The following LSM5 variants were observed in gnomAD, a reference collection of about 807,000 sequenced individuals.
The protein encoded by LSM5 is LSM5 homolog, U6 small nuclear RNA and mRNA degradation associated, also known as U6 snRNA-associated Sm-like protein LSm5.
In LSM5, 8 loss-of-function variants were observed where a neutral mutation model predicts 13.8. The ratio of observed to expected loss-of-function variants is 0.58; its 90% confidence interval spans 0.34 to 1.04. The LOEUF (loss-of-function observed/expected upper bound fraction) is 1.04. LSM5 is among the 50% of genes least tolerant of loss of function. The pLI, the probability that LSM5 is intolerant of heterozygous loss-of-function variation, is 0.03. For missense variants in LSM5, 80 were observed against 108.1 expected, an observed-to-expected ratio of 0.74 and a Z score of 1.15; for synonymous variants, 35 against 37.0, an observed-to-expected ratio of 0.95 and a Z score of 0.20.
chr7:32,490,549 G>A (rs1786561615), upstream of LSM5: 1 of 613,810 alleles, frequency 1.6e-6, no homozygotes, highest in Non-Finnish European at 3.0e-6. Flanking sequence ...AATATTTCCT[G>A]CCCACTGGAC....
upstream of LSM5, chr7:32,490,444 A>T: frequency 1.6e-6 from 2 of 1,246,126 alleles, no homozygotes; most frequent in Non-Finnish European, 2.4e-6. Context: ...CCGCAGCCCA[A>T]ACAGGCTCGA....
Position 32,490,040 on chromosome 7 carries a change from G to A in LSM5, c.46+280C>T, listed in dbSNP as rs912770719. ...GGCCTACTACCTATAACACTGCAGAGGCGGGCTCACAACAAAGTAGGCCGA... is the reference window on the plus strand; with the variant it reads ...GGCCTACTACCTATAACACTGCAGAAGCGGGCTCACAACAAAGTAGGCCGA... On this transcript the variant is annotated intron_variant, in intron 1 of 4. Transcript: ENST00000450169. 9.9e-6 allele frequency: 14 copies of A among 1,415,232 alleles called. No homozygotes were observed. The African/African-American group carries it at 2.0e-4, about 20-fold the overall frequency. The allele number at this position is 1,415,232 out of a possible 1,614,324, so 87.7% of individuals were successfully genotyped here. A position where few individuals can be genotyped will look rare whatever the true frequency, so the allele number is the denominator to read the frequency against.
At chr7:32,487,443 G>A (rs911463556) in intron 4 of LSM5, 150 bp from the exon 5 acceptor site, 4 of 693,154 alleles carry the variant, frequency 5.8e-6, no homozygotes, top group East Asian at 2.7e-5. Context: ...AATTCCCAAC[G>A]TCATCAATTA....
chr7:32,494,344 C>A (rs1340843624), upstream of LSM5, among the ~76,000 whole-genome samples: 1 of 135,754 alleles, frequency 7.4e-6, no homozygotes, highest in East Asian at 2.4e-4. Context: ...TTAGCCAATG[C>A]CAATAATTTT....
At chr7:32,493,858 T>A (rs901677854), upstream of LSM5, among the ~76,000 whole-genome samples, 1 of 87,160 alleles carries the variant, frequency 1.1e-5, no homozygotes, top group African/African-American at 4.2e-5. Flanking sequence ...TATATATATC[T>A]TTTTTTTTTT....
In LSM5 at chr7:32,487,669, T is replaced by A; in HGVS notation, c.243+16A>T. 7.4e-7 allele frequency: 1 copy of A among 1,351,666 alleles called. No individual in the cohort carries two copies. The highest frequency in any genetic ancestry group is 1.1e-6 in the Non-Finnish European group (1 of 941,528). 83.7% of individuals were successfully genotyped at this position (1,351,666 alleles called of 1,614,324 possible). A position where few individuals can be genotyped will look rare whatever the true frequency, so the allele number is the denominator to read the frequency against. On this transcript the variant is annotated intron_variant, in intron 4 of 4. Transcript: ENST00000450169. ...ATGGGCTCCCATCAAAATAAAACAG[T>A]TTCAATGTGTCTTACCATTGTTATA...
Position 32,485,703 on chromosome 7 carries a change from G to C in LSM5, c.*1558C>G, listed in dbSNP as rs1035698710. The C allele has an allele frequency of 1.3e-5, 2 of 152,188 alleles. No individual in the cohort carries two copies. The highest frequency in any genetic ancestry group is 4.8e-5 in the African/African-American group (2 of 41,444). 9.4% of individuals were successfully genotyped at this position (152,188 alleles called of 1,614,324 possible). A position where few individuals can be genotyped will look rare whatever the true frequency, so the allele number is the denominator to read the frequency against. Reference sequence around the variant, plus strand: ...GGAGGCTGAGGCAGGTGGATCACTAGAGGTCAGGAGTTCAAGACCAGCCTG... The same window carrying C: ...GGAGGCTGAGGCAGGTGGATCACTACAGGTCAGGAGTTCAAGACCAGCCTG... On this transcript the variant is annotated 3_prime_UTR_variant, in exon 5 of 5. Coordinates refer to ENST00000450169, the MANE Select transcript of LSM5 (RefSeq NM_012322.3).
chr7:32,490,058 T>C, intron 1 of LSM5: 1 of 1,448,324 alleles, frequency 6.9e-7, no homozygotes, highest in Non-Finnish European at 9.2e-7. Flanking sequence ...CACAACAAAG[T>C]AGGCCGACGA....
chr7:32,493,534 C>T (rs1030441947), upstream of LSM5, among the ~76,000 whole-genome samples: 2 of 109,646 alleles, frequency 1.8e-5, no homozygotes, highest in African/African-American at 2.8e-5. Context: ...TTCTTTCTCT[C>T]TCTCTCCCTT....
chr7:32,488,598 T>A, intron 3 of LSM5, 27 bp downstream of exon 3: 1 of 1,514,970 alleles, frequency 6.6e-7, no homozygotes, highest in African/African-American at 1.4e-5. Context: ...AAGAAGAGAT[T>A]CCCCCCAATT....
rs1225624984 is a variant in LSM5, at chr7:32,490,009, G to C, written c.46+311C>G. On this transcript the variant is annotated intron_variant, in intron 1 of 4. Coordinates refer to ENST00000450169, the MANE Select transcript of LSM5 (RefSeq NM_012322.3). The stretch of plus-strand genomic sequence containing the variant: ...CTGGGGATCGTAAACGCCAGGCTGA[G>C]AAGTAGGCCTACTACCTATAACACT... 12 of 1,325,744 alleles carry C rather than the reference G, an allele frequency of 9.1e-6. No homozygotes were observed. In the East Asian group the frequency reaches 3.9e-4, roughly 44 times the overall value. The allele number at this position is 1,325,744 out of a possible 1,614,324, so 82.1% of individuals were successfully genotyped here. A position where few individuals can be genotyped will look rare whatever the true frequency, so the allele number is the denominator to read the frequency against.
chr7:32,493,786 C>A (rs1384042974), upstream of LSM5, among the ~76,000 whole-genome samples: 1 of 152,070 alleles, frequency 6.6e-6, no homozygotes, highest in East Asian at 1.9e-4. Flanking sequence ...AGTGATCTGC[C>A]CGCATCGGCC....
rs3750087 is a variant in LSM5 at position 32,487,596 on chromosome 7, T to C, written c.243+89A>G. 604 of 779,074 alleles carry C rather than the reference T, an allele frequency of 7.8e-4. 9 individuals carry two copies. In the East Asian group the frequency reaches 0.015, roughly 19 times the overall value. 48.3% of individuals were successfully genotyped at this position (779,074 alleles called of 1,614,324 possible). On this transcript the variant is annotated intron_variant, in intron 4 of 4. Coordinates refer to ENST00000450169, the MANE Select transcript of LSM5 (RefSeq NM_012322.3). ...GCACCACTGGGCCATGATCATTTAGTCAAGCAAGCAACATTAAGGTTAGTT... is the reference window on the plus strand; with the variant it reads ...GCACCACTGGGCCATGATCATTTAGCCAAGCAAGCAACATTAAGGTTAGTT...
rs760600432 is a variant in LSM5, at chr7:32,490,366, G to C, written c.-1C>G. 3.7e-6 allele frequency: 6 copies of C among 1,613,220 alleles called. No individual in the cohort carries two copies. In the East Asian group the frequency reaches 1.3e-4, roughly 36 times the overall value. On this transcript the variant is annotated 5_prime_UTR_variant, in exon 1 of 5. Coordinates refer to ENST00000450169, the MANE Select transcript of LSM5 (RefSeq NM_012322.3). ...GGTTGGTAGTAGCGTTAGCCGCCAT[G>C]GCTACGCCGGAAGTGGCCTGCCTTC...
chr7:32,492,300 G>A (rs1326178892), upstream of LSM5, among the ~76,000 whole-genome samples: 4 of 152,136 alleles, frequency 2.6e-5, no homozygotes, highest in African/African-American at 4.8e-5. Context: ...CGAGGTGGGC[G>A]GATCACGAGG....
At chr7:32,492,576 A>G (rs6956253), upstream of LSM5, among the ~76,000 whole-genome samples, 2 of 152,176 alleles carry the variant, frequency 1.3e-5, no homozygotes, top group African/African-American at 4.8e-5. Context: ...GAATGCCACT[A>G]ATAAAGAATA....
At chr7:32,493,627 C>G (rs1189714072), upstream of LSM5, among the ~76,000 whole-genome samples, 1 of 152,160 alleles carries the variant, frequency 6.6e-6, no homozygotes, top group Non-Finnish European at 1.5e-5. Context: ...TCACTGCAAC[C>G]TCCACCTCCC....
At chr7:32,488,844 C>T (rs1279715558) in intron 2 of LSM5, among the ~76,000 whole-genome samples, 192 bp from the exon 3 acceptor site, 1 of 152,192 alleles carries the variant, frequency 6.6e-6, no homozygotes, top group Non-Finnish European at 1.5e-5. Flanking sequence ...CTGCCTTAGC[C>T]CCGGAGATTA....
intron 4 of LSM5, 80 bp from the exon 5 acceptor site, chr7:32,487,373 C>G: frequency 1.7e-6 from 2 of 1,153,508 alleles, no homozygotes; most frequent in Non-Finnish European, 2.6e-6. Context: ...ATTAAGCCAC[C>G]TTTGCCTGTC....
Sources: allele counts gnomAD v4.1 joint callset (sites outside exome capture counted in the v4.1 genomes callset), GRCh38; gene constraint gnomAD v4.1.1; transcripts MANE v1.5; gene names NCBI Gene and HGNC (gene_info 2026-07-23, HGNC 2026-07-21).